IGDCC4: variants seen among roughly 807,000 people sequenced by gnomAD.
The protein encoded by IGDCC4 is immunoglobulin superfamily DCC subclass member 4, also known as likely ortholog of mouse neighbor of Punc E11.
A neutral mutation model predicts 116.6 loss-of-function variants in IGDCC4; 72 were observed. That is an observed-to-expected ratio of 0.62 (90% CI 0.51 to 0.75). The LOEUF is 0.75. Among genes scored for constraint, IGDCC4 ranks in the 30% least tolerant of loss-of-function variants. The probability of loss-of-function intolerance (pLI) is 0.00; values close to 1 mark genes in which losing one functional copy is unlikely to be tolerated. For synonymous variants in IGDCC4, 709 were observed against 719.9 expected (o/e 0.98, Z 0.24); for missense variants, 1,501 against 1,662.4 (o/e 0.90, Z 1.69).
rs147704873 is a variant in IGDCC4 at position 65,422,833 on chromosome 15, G to A, written c.30C>T (p.Arg10=). 254,089 of 1,223,558 alleles carry A rather than the reference G, an allele frequency of 0.21. 31,148 individuals carry two copies. Among genetic ancestry groups the A allele is most frequent in the East Asian group, 0.68 (19,819 of 29,342 alleles). 75.8% of individuals were successfully genotyped at this position (1,223,558 alleles called of 1,614,324 possible). The change falls in exon 1 of 20, where the codon CGC becomes CGT. Residue 10 remains arginine, a synonymous_variant. Transcript: ENST00000352385. Reference sequence around the variant, plus strand: ...GGCAGAAGGTCAACGCGAGGAGCCCGCGGCCGCGGCCGGCGTCCCCCCGCG... The same window carrying A: ...GGCAGAAGGTCAACGCGAGGAGCCCACGGCCGCGGCCGGCGTCCCCCCGCG... The part of the protein sequence containing the change: MARGDAGRG[R]GLLALTFCLL...
At chr15:65,405,698 TA>T (rs2140225178) in intron 3 of IGDCC4, among the ~76,000 whole-genome samples, 1 of 152,314 alleles carries the variant, frequency 6.6e-6, no homozygotes, top group Admixed American at 6.5e-5. Flanking sequence ...CTCAAATTGG[TA>T]AAAGCTGTGT....
rs1285948802 is a variant in IGDCC4 at position 65,388,923 on chromosome 15, A to T, written c.2592T>A (p.Val864=). 4.3e-6 allele frequency: 7 copies of T among 1,613,458 alleles called. No individual in the cohort carries two copies. The highest frequency in any genetic ancestry group is 5.9e-6 in the Non-Finnish European group (7 of 1,179,828). ...CTGTGGGGGGGCACCAGTGCAGCCG[A>T]ACCGTGGACGGTGTCAGGGGGCTCA... ...LRLSPLTPST[V]RLHWCPPTEP... The change falls in exon 15 of 20, where the codon GTT becomes GTA. Residue 864 remains valine, a synonymous_variant. Transcript: ENST00000352385.
At chr15:65,420,056 C>T (rs1015379673) in intron 1 of IGDCC4, among the ~76,000 whole-genome samples, 2 of 139,044 alleles carry the variant, frequency 1.4e-5, no homozygotes. Flanking sequence ...AAACGATTCT[C>T]GAGTCTCAGA....
intron 12 of IGDCC4, among the ~76,000 whole-genome samples, chr15:65,391,587 G>C (rs925420713): frequency 1.3e-5 from 2 of 152,192 alleles, no homozygotes; most frequent in African/African-American, 4.8e-5. Flanking sequence ...TTGGGGTCGG[G>C]AGTTACTGAT....
Position 65,384,905 on chromosome 15 carries a change from C to T in IGDCC4, c.3342+49G>A, listed in dbSNP as rs771364718. ...GAACTCATTACTTCCTCTTCACAAG[C>T]ACAGAGACCCTTTCCTCCTTTCCTG... On this transcript the variant is annotated intron_variant, in intron 19 of 19. Coordinates refer to ENST00000352385, the MANE Select transcript of IGDCC4 (RefSeq NM_020962.3). This position sits in a 1 kb window ranked among gnomAD's most constrained non-coding sequence, Gnocchi z 4.9. The T allele has an allele frequency of 1.4e-5, 22 of 1,565,280 alleles. 1 individual carries two copies. The Admixed American group carries it at 4.1e-4, about 29-fold the overall frequency.
At position 65,393,944 on chromosome 15, in the gene IGDCC4, C is replaced by T. The variant is rs1461213861; in HGVS notation, c.1715-413G>A. Among the ~76,000 whole-genome samples, 1 of 152,206 alleles carries T rather than the reference C, an allele frequency of 6.6e-6. No individual in the cohort carries two copies. Among genetic ancestry groups the T allele is most frequent in the African/African-American group, 2.4e-5 (1 of 41,464 alleles). ...CACCCTTCCCTCCTTCCTCACCTTT[C>T]CCTCCTTCCTCACCCTTCCCCTGGT... On this transcript the variant is annotated intron_variant, in intron 9 of 19. Coordinates refer to ENST00000352385, the MANE Select transcript of IGDCC4 (RefSeq NM_020962.3). This position sits in a 1 kb window ranked among gnomAD's most constrained non-coding sequence, Gnocchi z 4.6.
At chr15:65,411,810 T>C (rs1196940909) in intron 1 of IGDCC4, among the ~76,000 whole-genome samples, 2 of 152,352 alleles carry the variant, frequency 1.3e-5, no homozygotes, top group Middle Eastern at 3.4e-3. Flanking sequence ...AGTGGATTAA[T>C]GATTGTCAGT....
At chr15:65,421,157 G>T (rs1041257504) in intron 1 of IGDCC4, among the ~76,000 whole-genome samples, 7 of 152,146 alleles carry the variant, frequency 4.6e-5, no homozygotes, top group Non-Finnish European at 8.8e-5. Context: ...TCGGTCCCTC[G>T]CCTGCTTTGT....
chr15:65,388,550 C>T lies in IGDCC4; in HGVS notation c.2744G>A (p.Ser915Asn), dbSNP rs1203970878. The change falls in exon 16 of 20, where the codon AGC becomes AAC. Residue 915 changes from serine to asparagine, a missense_variant. Ser to Asn is a conservative substitution (Grantham distance 46, BLOSUM62 1). Around this residue, in one of 3 missense-constraint regions of IGDCC4, gnomAD observed 235 missense variants for 328.0 expected, o/e 0.72. Coordinates refer to ENST00000352385, the MANE Select transcript of IGDCC4 (RefSeq NM_020962.3). ...CATCTTGAAGAAGTACCGAGTGTCG[C>T]TCTCCAGGCCATGGACCTCAGCACT... ...IFSAEVHGLE[S>N]DTRYFFKMGA... is the part of the protein sequence containing the mutation. The T allele has an allele frequency of 6.2e-7, 1 of 1,614,150 alleles. No homozygotes were observed. The highest frequency in any genetic ancestry group is 1.7e-5 in the Admixed American group (1 of 60,026).
Position 65,399,447 on chromosome 15 carries a change from CAAAAA to C in IGDCC4, c.841+1354_841+1358del, listed in dbSNP as rs112040935. On this transcript the variant is annotated intron_variant, in intron 5 of 19. Coordinates refer to ENST00000352385, the MANE Select transcript of IGDCC4 (RefSeq NM_020962.3). Reference sequence around the variant, plus strand: ...ATTGCACTCCAGCCTGGGTGACAGGCAAAAAAAAAAAAAAAAAAAAAAAAGATTCC... The same window carrying C: ...ATTGCACTCCAGCCTGGGTGACAGGCAAAAAAAAAAAAAAAAAAAGATTCC... Among the ~76,000 whole-genome samples, 326 of 71,156 alleles carry C rather than the reference CAAAAA, an allele frequency of 4.6e-3. 1 individual carries two copies. Among genetic ancestry groups the C allele is most frequent in the Middle Eastern group, 0.034 (4 of 118 alleles). 46.7% of individuals were successfully genotyped at this position (71,156 alleles called of 152,430 possible).
chr15:65,412,511 CAAAAAAAAAAAAA>C (rs3082805), intron 1 of IGDCC4, among the ~76,000 whole-genome samples: 8 of 16,718 alleles, frequency 4.8e-4, no homozygotes, highest in African/African-American at 1.3e-3. Flanking sequence ...GATTCCATCT[CAAAAAAAAAAAAA>C]AAAAAAAAAA....
Position 65,422,901 on chromosome 15 carries a change from C to T in IGDCC4, c.-39G>A. 1 of 1,009,220 alleles carries T rather than the reference C, an allele frequency of 9.9e-7. No individual in the cohort carries two copies. The highest frequency in any genetic ancestry group is 6.0e-5 in the Admixed American group (1 of 16,660). The allele number at this position is 1,009,220 out of a possible 1,614,324, so 62.5% of individuals were successfully genotyped here. ...GGCCGCCGCCGCCGCCGCCGCCTCCCCGTGCTTCGGCCGCCGCCGCGGGGG... is the reference window on the plus strand; with the variant it reads ...GGCCGCCGCCGCCGCCGCCGCCTCCTCGTGCTTCGGCCGCCGCCGCGGGGG... On this transcript the variant is annotated 5_prime_UTR_variant, in exon 1 of 20. Transcript: ENST00000352385.
At position 65,384,180 on chromosome 15, in the gene IGDCC4, T is replaced by C. The variant is rs2091429470; in HGVS notation, c.3582A>G (p.Pro1194=). The C allele has an allele frequency of 1.2e-6, 2 of 1,613,104 alleles. No individual in the cohort carries two copies. The highest frequency in any genetic ancestry group is 4.5e-5 in the East Asian group (2 of 44,854). Residue 1194 remains proline, a synonymous_variant, in exon 20 of 20, where the codon CCA becomes CCG. Transcript: ENST00000352385. The surrounding 1 kb of genome is among the most constrained non-coding windows in gnomAD (Gnocchi z 4.9). ...CCTCTGGCAAGCAGGTAAGTCTGTCTGGCCCGGGGGCTGCCAGCTCACACC... is the reference window on the plus strand; with the variant it reads ...CCTCTGGCAAGCAGGTAAGTCTGTCCGGCCCGGGGGCTGCCAGCTCACACC... ...LGGCELAAPG[P]DRLTCLPEAA... is the part of the protein sequence containing the mutation.
At chr15:65,410,528 C>G in intron 2 of IGDCC4, 1 of 602,000 alleles carries the variant, frequency 1.7e-6, no homozygotes, top group Admixed American at 2.9e-5. Flanking sequence ...CAAAGCCCCC[C>G]TGCCCAACAT....
chr15:65,396,436 G>A, intron 6 of IGDCC4: 1 of 605,344 alleles, frequency 1.7e-6, no homozygotes, highest in Non-Finnish European at 3.0e-6. Context: ...TGCTCCTCCC[G>A]GATCTAACCC....
At chr15:65,402,517 G>A (rs1248877323) in intron 3 of IGDCC4, 30 bp from the exon 4 acceptor site, 7 of 1,557,204 alleles carry the variant, frequency 4.5e-6, no homozygotes, top group African/African-American at 1.4e-5. Context: ...GCAACTGTGA[G>A]GTGGGCAGGG....
chr15:65,410,805 A>C, intron 2 of IGDCC4: 2 of 575,424 alleles, frequency 3.5e-6, no homozygotes, highest in Non-Finnish European at 6.1e-6. Flanking sequence ...AGCAGAAGGA[A>C]CAGGGGAGTG....
chr15:65,409,776 C>T (rs1208276547), intron 3 of IGDCC4, among the ~76,000 whole-genome samples: 3 of 152,178 alleles, frequency 2.0e-5, no homozygotes, highest in Non-Finnish European at 1.5e-5. Context: ...TCCGGAGGAA[C>T]CCTGAAAAGA....
At chr15:65,386,129 C>G in intron 17 of IGDCC4, 70 bp from the exon 18 acceptor site, 1 of 989,862 alleles carries the variant, frequency 1.0e-6, no homozygotes, top group Non-Finnish European at 1.5e-6. Flanking sequence ...GGATCTGGTC[C>G]AGCCTATGTC....
Sources: allele counts gnomAD v4.1 joint callset (sites outside exome capture counted in the v4.1 genomes callset), GRCh38; gene constraint gnomAD v4.1.1; regional missense constraint gnomAD v4.1.1; non-coding constraint Gnocchi (gnomAD v3.1); transcripts MANE v1.5; gene names NCBI Gene and HGNC (gene_info 2026-07-23, HGNC 2026-07-21).